DMD: variants seen among roughly 807,000 people sequenced by gnomAD.
The protein encoded by DMD is mutant dystrophin.
A neutral mutation model predicts 330.1 loss-of-function variants in DMD; 63 were observed. The observed-to-expected ratio is 0.19, with a 90% CI of 0.16 to 0.24. The LOEUF (loss-of-function observed/expected upper bound fraction) is 0.24. Ranked by LOEUF, DMD falls within the 10% of genes least tolerant of loss-of-function variation. The pLI, the probability that DMD is intolerant of heterozygous loss-of-function variation, is 1.00. For missense variants in DMD, 3,344 were observed against 2,684.1 expected, an observed-to-expected ratio of 1.25 and a Z score of -5.43; for synonymous variants, 1,223 against 959.8, an observed-to-expected ratio of 1.27 and a Z score of -5.07.
At chrX:31,587,235 G>A (rs373319558) in intron 55 of DMD, among the ~76,000 whole-genome samples, 1 of 111,450 alleles carries the variant, frequency 9.0e-6, no homozygotes, top group African/African-American at 3.3e-5. Context: ...AATTAGACAG[G>A]AGGAGTATGT....
At chrX:31,379,362 C>A (rs773793073) in intron 60 of DMD, among the ~76,000 whole-genome samples, 65 of 109,208 alleles carry the variant, frequency 6.0e-4, no homozygotes, top group Admixed American at 1.6e-3. Context: ...GTTAATGCTC[C>A]TTTTTCTTTA....
intron 1 of DMD, among the ~76,000 whole-genome samples, chrX:33,225,781 T>A (rs1370501147): frequency 2.7e-5 from 3 of 110,675 alleles, no homozygotes; most frequent in Non-Finnish European, 3.8e-5. Flanking sequence ...AGAGACAGGC[T>A]GCACATCGAG....
chrX:32,466,458 A>G (rs898116134), intron 23 of DMD, among the ~76,000 whole-genome samples: 2 of 111,276 alleles, frequency 1.8e-5, no homozygotes, highest in African/African-American at 6.5e-5. Flanking sequence ...AGGCTGAATA[A>G]TGCTACCCCC....
rs758185173 is a variant in DMD, at chrX:32,239,820, A to T, written c.6291-22757T>A. On this transcript the variant is annotated intron_variant, in intron 43 of 78. Coordinates refer to ENST00000357033, the MANE Select transcript of DMD (RefSeq NM_004006.3). ...AACCTGCTATACTATTAATTTAAAT[A>T]ACCCTTATCTTTCTCGGAAATACCA... Among the ~76,000 whole-genome samples the T allele has an allele frequency of 1.7e-3, 194 of 112,023 alleles. 7 individuals are homozygous for T. In the Admixed American group the frequency reaches 0.018, roughly 11 times the overall value.
intron 4 of DMD, among the ~76,000 whole-genome samples, chrX:32,826,937 T>C (rs965013833): frequency 9.0e-6 from 1 of 110,544 alleles, no homozygotes; most frequent in African/African-American, 3.3e-5. Flanking sequence ...AAAAATCATA[T>C]GCTACATGGT....
chrX:32,855,461 AAC>A (rs1333124833), intron 2 of DMD, among the ~76,000 whole-genome samples: 1 of 112,151 alleles, frequency 8.9e-6, no homozygotes, highest in African/African-American at 3.2e-5. Flanking sequence ...ATGGCATAAA[AAC>A]AGACACATAG....
At chrX:32,584,654 A>C (rs79895225) in intron 13 of DMD, among the ~76,000 whole-genome samples, 9 of 112,258 alleles carry the variant, frequency 8.0e-5, no homozygotes, top group Non-Finnish European at 1.7e-4. Flanking sequence ...CAGTGAAAAA[A>C]GCCAGTTAAA....
At chrX:31,166,923 C>T (rs1602314636) in intron 74 of DMD, among the ~76,000 whole-genome samples, 1 of 111,505 alleles carries the variant, frequency 9.0e-6, no homozygotes, top group East Asian at 2.8e-4. Context: ...CTAAGTAGGC[C>T]TGGTGTTATG....
At chrX:31,700,449 C>T (rs755011898) in intron 52 of DMD, among the ~76,000 whole-genome samples, 16 of 111,834 alleles carry the variant, frequency 1.4e-4, no homozygotes, top group Non-Finnish European at 2.8e-4. Flanking sequence ...GACCAGATTA[C>T]CTCCTTAAAA....
intron 43 of DMD, among the ~76,000 whole-genome samples, chrX:32,251,637 G>T (rs1291562455): frequency 9.0e-6 from 1 of 111,402 alleles, no homozygotes; most frequent in East Asian, 2.8e-4. Context: ...TTTCAGGGAG[G>T]TTCCCTAAAG....
At chrX:31,926,795 T>C (rs1045604226) in intron 47 of DMD, among the ~76,000 whole-genome samples, 1 of 112,074 alleles carries the variant, frequency 8.9e-6, no homozygotes, top group Non-Finnish European at 1.9e-5. Flanking sequence ...CAACTGATTA[T>C]GATATTAGGA....
At chrX:32,652,436 T>G (rs1472087764) in intron 9 of DMD, among the ~76,000 whole-genome samples, 1 of 109,479 alleles carries the variant, frequency 9.1e-6, no homozygotes, top group African/African-American at 3.3e-5. Flanking sequence ...GGTCTCCAGC[T>G]TCATCCATGT....
intron 47 of DMD, among the ~76,000 whole-genome samples, chrX:31,908,158 G>A (rs753371137): frequency 1.8e-5 from 2 of 112,163 alleles, no homozygotes; most frequent in East Asian, 2.8e-4. Flanking sequence ...ACAGTGTGGC[G>A]ATTCCTCAAG....
At chrX:31,357,847 A>C (rs1315995601) in intron 60 of DMD, among the ~76,000 whole-genome samples, 3 of 111,699 alleles carry the variant, frequency 2.7e-5, no homozygotes, top group African/African-American at 9.8e-5. Context: ...CAAATCAATA[A>C]ACCGGAAGAT....
At chrX:32,051,553 G>C (rs774924602) in intron 44 of DMD, among the ~76,000 whole-genome samples, 12 of 108,809 alleles carry the variant, frequency 1.1e-4, no homozygotes, top group African/African-American at 3.0e-4. Context: ...ATTTTTCTTG[G>C]CAAATAGTAG....
At chrX:32,099,481 T>C (rs1658891854) in intron 44 of DMD, among the ~76,000 whole-genome samples, 1 of 109,517 alleles carries the variant, frequency 9.1e-6, no homozygotes, top group South Asian at 4.0e-4. Flanking sequence ...AGCAAAGACT[T>C]GGAACCAACC....
At chrX:32,777,277 T>TGGGGGGGGGCGGGGGTTGGG (rs546914107) in intron 7 of DMD, among the ~76,000 whole-genome samples, 1 of 2,111 alleles carries the variant, frequency 4.7e-4, no homozygotes, top group Non-Finnish European at 7.0e-4. Context: ...GGTTTCTGGT[T>TGGGGGGGGGCGGGGGTTGGG]GGGGGGGGAA....
chrX:31,578,663 C>G, intron 55 of DMD, among the ~76,000 whole-genome samples: 1 of 111,773 alleles, frequency 8.9e-6, no homozygotes, highest in Non-Finnish European at 1.9e-5. Flanking sequence ...GATGCGCTAC[C>G]AGAGCCACTT....
chrX:33,165,971 G>A (rs964865785), intron 1 of DMD, among the ~76,000 whole-genome samples: 1 of 111,058 alleles, frequency 9.0e-6, no homozygotes, highest in Non-Finnish European at 1.9e-5. Context: ...TGTATAGGAA[G>A]CAAAGAAGGT....
Sources: gnomAD v4.1 joint callset for allele counts (sites outside exome capture counted in the v4.1 genomes callset) on GRCh38, gnomAD v4.1.1 for gene constraint, MANE v1.5 for transcripts, NCBI Gene and HGNC (gene_info 2026-07-23, HGNC 2026-07-21) for gene names.